Variants in GPC6 observed in about 807,000 individuals in gnomAD.
The protein encoded by GPC6 is glypican 6.
In GPC6, 14 loss-of-function variants were observed where a neutral mutation model predicts 55.2. The ratio of observed to expected loss-of-function variants is 0.25; its 90% CI spans 0.17 to 0.40. The LOEUF is 0.40. Among genes scored for constraint, GPC6 ranks in the 10% least tolerant of loss-of-function variants. GPC6 has a pLI of 1.00. For missense variants in GPC6, 641 were observed against 708.5 expected (o/e 0.90, Z 1.08); for synonymous variants, 278 against 259.6 (o/e 1.07, Z -0.68).
At chr13:94,251,889 G>A (rs1891361588) in intron 4 of GPC6, among the ~76,000 whole-genome samples, 1 of 148,944 alleles carries the variant, frequency 6.7e-6, no homozygotes, top group African/African-American at 2.5e-5. Flanking sequence ...GTCTCCTGCT[G>A]CAAAATCCAT....
intron 1 of GPC6, among the ~76,000 whole-genome samples, chr13:93,468,820 G>A (rs907282829): frequency 6.6e-6 from 1 of 152,144 alleles, no homozygotes; most frequent in African/African-American, 2.4e-5. Context: ...AAAAATAAAA[G>A]TTTGGCTTGA....
chr13:93,264,851 C>A lies in GPC6; in HGVS notation c.160+37235C>A, dbSNP rs61965665. ...TATTTTTTTTTCCAAAGGTTTTCAC[C>A]CCTCCATTTGTTGAATCCAGGATGT... is the stretch of plus-strand genomic sequence containing the variant. On this transcript the variant is annotated intron_variant, in intron 1 of 8. Transcript: ENST00000377047. Among the ~76,000 whole-genome samples the A allele has an allele frequency of 3.3e-4, 50 of 151,428 alleles. No individual in the cohort carries two copies. The South Asian group carries it at 8.1e-3, about 25-fold the overall frequency.
chr13:93,615,441 G>C (rs1461893656), intron 2 of GPC6, among the ~76,000 whole-genome samples: 2 of 152,066 alleles, frequency 1.3e-5, no homozygotes, highest in African/African-American at 4.8e-5. Flanking sequence ...TAGATATTCA[G>C]TGAAAAAGGT....
At chr13:93,609,481 G>A (rs578197470) in intron 2 of GPC6, among the ~76,000 whole-genome samples, 99 of 152,208 alleles carry the variant, frequency 6.5e-4, no homozygotes, top group Non-Finnish European at 1.2e-3. Flanking sequence ...CAAATGATCC[G>A]CCGGCCTTGG....
intron 2 of GPC6, among the ~76,000 whole-genome samples, chr13:93,748,963 C>T (rs1352426623): frequency 6.6e-6 from 1 of 151,932 alleles, no homozygotes; most frequent in Non-Finnish European, 1.5e-5. Context: ...TACTGTTCGT[C>T]ATTTGTATAT....
At chr13:93,839,862 G>A (rs1021952932) in intron 3 of GPC6, among the ~76,000 whole-genome samples, 12 of 152,074 alleles carry the variant, frequency 7.9e-5, no homozygotes, top group Non-Finnish European at 1.2e-4. Context: ...TGTTGGATTC[G>A]GTTAGCTAGT....
At chr13:93,754,959 A>G (rs1566518933) in intron 2 of GPC6, among the ~76,000 whole-genome samples, 1 of 152,202 alleles carries the variant, frequency 6.6e-6, no homozygotes, top group Admixed American at 6.5e-5. Flanking sequence ...ACCAGTTTCT[A>G]TAGACTGGAT....
At chr13:93,778,960 A>G (rs1885551456) in intron 2 of GPC6, among the ~76,000 whole-genome samples, 1 of 152,218 alleles carries the variant, frequency 6.6e-6, no homozygotes, top group Non-Finnish European at 1.5e-5. Context: ...CTTCTAAAAG[A>G]TCATTGAGAT....
intron 4 of GPC6, among the ~76,000 whole-genome samples, chr13:94,271,355 T>TACAC (rs200714304): frequency 1.6e-5 from 2 of 128,168 alleles, no homozygotes; most frequent in Non-Finnish European, 3.4e-5. Flanking sequence ...ACTTGTTAAA[T>TACAC]ACACACACAC....
At chr13:93,703,751 G>T (rs535409782) in intron 2 of GPC6, among the ~76,000 whole-genome samples, 1 of 152,044 alleles carries the variant, frequency 6.6e-6, no homozygotes, top group South Asian at 2.1e-4. Flanking sequence ...TGAAGTTTGG[G>T]GGAGGAGTGG....
chr13:93,616,312 T>A (rs1878719801), intron 2 of GPC6, among the ~76,000 whole-genome samples: 1 of 152,028 alleles, frequency 6.6e-6, no homozygotes, highest in Non-Finnish European at 1.5e-5. Context: ...TACGAATACT[T>A]TAATGGAAAT....
intron 1 of GPC6, among the ~76,000 whole-genome samples, chr13:93,258,687 C>T (rs1207757443): frequency 6.6e-6 from 1 of 151,994 alleles, no homozygotes; most frequent in Non-Finnish European, 1.5e-5. Flanking sequence ...GCCTGTAATC[C>T]TAGCACTTTA....
At chr13:93,803,775 T>C (rs1886454694) in intron 2 of GPC6, among the ~76,000 whole-genome samples, 2 of 152,168 alleles carry the variant, frequency 1.3e-5, no homozygotes, top group Non-Finnish European at 2.9e-5. Context: ...TACTGATACA[T>C]GCTGCAATAT....
At chr13:93,913,970 A>G (rs1056829732) in intron 3 of GPC6, among the ~76,000 whole-genome samples, 2 of 152,138 alleles carry the variant, frequency 1.3e-5, no homozygotes, top group African/African-American at 4.8e-5. Flanking sequence ...TCTGCATTCT[A>G]TGAATACCAT....
At chr13:93,632,607 G>GTA (rs1879501054) in intron 2 of GPC6, among the ~76,000 whole-genome samples, 90 of 49,670 alleles carry the variant, frequency 1.8e-3, no homozygotes, top group Non-Finnish European at 2.7e-3. Context: ...GTATATGTGT[G>GTA]TATATATATG....
At chr13:94,173,570 A>G (rs1429230284) in intron 4 of GPC6, among the ~76,000 whole-genome samples, 1 of 152,176 alleles carries the variant, frequency 6.6e-6, no homozygotes, top group East Asian at 1.9e-4. Context: ...ATTCCCAGAC[A>G]TGTTGGTATA....
intron 4 of GPC6, among the ~76,000 whole-genome samples, chr13:94,031,144 A>G (rs1489550975): frequency 1.3e-5 from 2 of 151,906 alleles, no homozygotes; most frequent in East Asian, 1.9e-4. Flanking sequence ...CGAAAAAATC[A>G]GGAGTCTATT....
chr13:94,389,179 C>T (rs1410285999), intron 7 of GPC6, among the ~76,000 whole-genome samples: 2 of 152,010 alleles, frequency 1.3e-5, no homozygotes, highest in Non-Finnish European at 2.9e-5. Flanking sequence ...AGAGGAAAAT[C>T]GATAATAATC....
chr13:94,289,364 G>C (rs1470613548), intron 5 of GPC6, among the ~76,000 whole-genome samples: 2 of 152,154 alleles, frequency 1.3e-5, no homozygotes, highest in Non-Finnish European at 2.9e-5. Flanking sequence ...TTTCTTAGTG[G>C]AGTTACATTT....
Sources: gnomAD v4.1 joint callset for allele counts (sites outside exome capture counted in the v4.1 genomes callset) on GRCh38, gnomAD v4.1.1 for gene constraint, MANE v1.5 for transcripts, NCBI Gene and HGNC (gene_info 2026-07-23, HGNC 2026-07-21) for gene names.